Variants in COL21A1 observed in about 807,000 individuals in gnomAD.
The protein encoded by COL21A1 is collagen type XXI alpha 1 chain.
In COL21A1, 149 loss-of-function variants were observed where a neutral mutation model predicts 137.9. That is an observed-to-expected ratio of 1.08 (90% CI 0.95 to 1.24). COL21A1 has a LOEUF of 1.24. Ranked by LOEUF, COL21A1 falls within the 50% of genes most tolerant of loss-of-function variation. The pLI is 0.00. For missense variants in COL21A1, 1,167 were observed against 1,158.4 expected (o/e 1.01, Z -0.11); for synonymous variants, 456 against 391.5 (o/e 1.16, Z -1.95).
chr6:56,326,964 T>C (rs916343861), intron 1 of COL21A1, among the ~76,000 whole-genome samples: 3 of 152,034 alleles, frequency 2.0e-5, no homozygotes, highest in African/African-American at 7.2e-5. Flanking sequence ...GGGGGAATTC[T>C]TACATACCAA....
chr6:56,332,365 G>A (rs192644835), intron 1 of COL21A1, among the ~76,000 whole-genome samples: 1 of 151,828 alleles, frequency 6.6e-6, no homozygotes, highest in Non-Finnish European at 1.5e-5. Flanking sequence ...TTCTTAGCTG[G>A]TAAGGACTAT....
chr6:56,277,130 T>C (rs1763685078), intron 1 of COL21A1, among the ~76,000 whole-genome samples: 1 of 152,080 alleles, frequency 6.6e-6, no homozygotes, highest in Non-Finnish European at 1.5e-5. Flanking sequence ...GGTTGTTCAG[T>C]AAGTTTTGTT....
chr6:56,147,678 A>AT lies in COL21A1; in HGVS notation c.1435-5696dup, dbSNP rs559433784. The stretch of plus-strand genomic sequence containing the variant: ...TATATATACATACATGTCTACACAC[A>AT]TTATTATATATACTACCTATAATAT... On this transcript the variant is annotated intron_variant, in intron 10 of 29. Transcript: ENST00000244728. Among the ~76,000 whole-genome samples, 35 of 152,304 alleles carry AT rather than the reference A, an allele frequency of 2.3e-4. No individual in the cohort carries two copies. The East Asian group carries it at 6.6e-3, about 29-fold the overall frequency.
chr6:56,092,284 C>A (rs1290176515), intron 17 of COL21A1, among the ~76,000 whole-genome samples: 1 of 151,784 alleles, frequency 6.6e-6, no homozygotes, highest in African/African-American at 2.4e-5. Flanking sequence ...CAACAAAAAC[C>A]CAACTGGGGA....
chr6:56,088,772 G>A (rs1438067595), intron 17 of COL21A1, among the ~76,000 whole-genome samples: 7 of 151,876 alleles, frequency 4.6e-5, no homozygotes, highest in African/African-American at 1.7e-4. Flanking sequence ...TGAAAAATAC[G>A]CAAAAAACCA....
chr6:56,216,814 A>G (rs1465603253), intron 1 of COL21A1, among the ~76,000 whole-genome samples: 1 of 152,116 alleles, frequency 6.6e-6, no homozygotes, highest in African/African-American at 2.4e-5. Flanking sequence ...TTTTTAAACA[A>G]TGAAAAATCT....
chr6:56,150,551 CA>C, intron 10 of COL21A1, among the ~76,000 whole-genome samples: 1 of 151,402 alleles, frequency 6.6e-6, no homozygotes, highest in Non-Finnish European at 1.5e-5. Context: ...CACACACACA[CA>C]CACACACACA....
chr6:56,176,824 G>C (rs552484929), intron 3 of COL21A1, among the ~76,000 whole-genome samples: 3 of 149,156 alleles, frequency 2.0e-5, no homozygotes, highest in African/African-American at 7.4e-5. Flanking sequence ...TTATATGAGG[G>C]GGAAAGAGAA....
intron 1 of COL21A1, among the ~76,000 whole-genome samples, chr6:56,222,976 AT>A (rs944699914): frequency 0.015 from 2,273 of 148,598 alleles, 61 homozygotes; most frequent in African/African-American, 0.051. Context: ...CTCAATCAGT[AT>A]TTTTTTTTTA....
chr6:56,340,005 G>A (rs1214201918), intron 1 of COL21A1, among the ~76,000 whole-genome samples: 3 of 152,092 alleles, frequency 2.0e-5, no homozygotes, highest in Non-Finnish European at 2.9e-5. Flanking sequence ...GGACATCTAA[G>A]TCAGGATTGG....
At chr6:56,266,674 A>G (rs1047827605) in intron 1 of COL21A1, among the ~76,000 whole-genome samples, 2 of 152,272 alleles carry the variant, frequency 1.3e-5, no homozygotes, top group African/African-American at 4.8e-5. Flanking sequence ...CTAATAGAAC[A>G]AATAGATCTG....
At chr6:56,286,129 C>T (rs1763907077) in intron 1 of COL21A1, among the ~76,000 whole-genome samples, 1 of 152,072 alleles carries the variant, frequency 6.6e-6, no homozygotes, top group Admixed American at 6.6e-5. Context: ...GGGCTACAAA[C>T]TAGGCCATGA....
At chr6:56,202,512 G>A (rs367680828) in intron 1 of COL21A1, among the ~76,000 whole-genome samples, 29 of 152,002 alleles carry the variant, frequency 1.9e-4, no homozygotes, top group African/African-American at 4.6e-4. Flanking sequence ...GGTTTAATTC[G>A]ATCTTTTTCT....
At chr6:56,159,506 T>A (rs182717116) in intron 9 of COL21A1, among the ~76,000 whole-genome samples, 1 of 152,010 alleles carries the variant, frequency 6.6e-6, no homozygotes, top group Non-Finnish European at 1.5e-5. Flanking sequence ...CTAATTTTTA[T>A]AATTTTAGTA....
At chr6:56,342,229 G>C (rs760075040) in intron 1 of COL21A1, among the ~76,000 whole-genome samples, 11 of 152,150 alleles carry the variant, frequency 7.2e-5, no homozygotes, top group Admixed American at 3.3e-4. Context: ...GTCAGAAGCA[G>C]CCAAACTTCT....
chr6:56,333,469 TATTA>T (rs761247380), intron 1 of COL21A1, among the ~76,000 whole-genome samples: 3 of 152,260 alleles, frequency 2.0e-5, no homozygotes, highest in East Asian at 3.9e-4. Context: ...ATCAATAGTT[TATTA>T]ATTGCTTATT....
At chr6:56,111,784 G>C (rs753615902) in intron 16 of COL21A1, among the ~76,000 whole-genome samples, 3 of 151,836 alleles carry the variant, frequency 2.0e-5, no homozygotes, top group Admixed American at 1.3e-4. Context: ...TAAGGCAGGA[G>C]AATGGCTTGA....
In COL21A1 at chr6:56,164,516, CA is replaced by C; in HGVS notation, c.1288-11del. On this transcript the variant is annotated splice_polypyrimidine_tract_variant and intron_variant, in intron 8 of 29. Transcript: ENST00000244728. ...TGGGACCATTAAGGCACTATAAAGACAAAAATGGAAACAGACAACAAGCATG... is the reference window on the plus strand; with the variant it reads ...TGGGACCATTAAGGCACTATAAAGACAAAATGGAAACAGACAACAAGCATG... 6.4e-7 allele frequency: 1 copy of C among 1,555,412 alleles called. No individual in the cohort carries two copies. The highest frequency in any genetic ancestry group is 8.8e-7 in the Non-Finnish European group (1 of 1,141,902).
intron 1 of COL21A1, among the ~76,000 whole-genome samples, chr6:56,199,885 C>A (rs575226208): frequency 6.6e-6 from 1 of 152,132 alleles, no homozygotes; most frequent in Non-Finnish European, 1.5e-5. Context: ...GAATCTGCTT[C>A]CATGCAGTTT....
Sources: allele counts gnomAD v4.1 joint callset (sites outside exome capture counted in the v4.1 genomes callset), GRCh38; gene constraint gnomAD v4.1.1; transcripts MANE v1.5; gene names NCBI Gene and HGNC (gene_info 2026-07-23, HGNC 2026-07-21).